The following ADCY8 variants were observed in gnomAD, a reference collection of about 807,000 sequenced individuals.
ADCY8 encodes adenylate cyclase type 8.
ADCY8 carries 51 observed loss-of-function variants against 119.7 expected under a neutral mutation model. The ratio of observed to expected loss-of-function variants is 0.43; its 90% CI spans 0.34 to 0.54. The LOEUF (loss-of-function observed/expected upper bound fraction) is 0.54. Among genes scored for constraint, ADCY8 ranks in the 20% least tolerant of loss-of-function variants. ADCY8 has a pLI of 0.03. For synonymous variants in ADCY8, 665 were observed against 651.0 expected (o/e 1.02, Z -0.33); for missense variants, 1,383 against 1,598.8 (o/e 0.87, Z 2.30).
chr8:130,940,184 A>C (rs1374043388), intron 4 of ADCY8, among the ~76,000 whole-genome samples: 2 of 152,212 alleles, frequency 1.3e-5, no homozygotes, highest in East Asian at 1.9e-4. Context: ...CTTGAGGGAA[A>C]GGCCACACGG....
At chr8:130,909,183 C>T (rs541053040) in intron 6 of ADCY8, among the ~76,000 whole-genome samples, 4 of 152,284 alleles carry the variant, frequency 2.6e-5, no homozygotes, top group African/African-American at 4.8e-5. Context: ...ACATTAGTTG[C>T]AGTGGCCTTT....
At chr8:130,986,004 C>A (rs1438601668) in intron 2 of ADCY8, among the ~76,000 whole-genome samples, 1 of 152,018 alleles carries the variant, frequency 6.6e-6, no homozygotes, top group African/African-American at 2.4e-5. Flanking sequence ...CTCCAAGCTG[C>A]AAGAAAAACA....
intron 5 of ADCY8, among the ~76,000 whole-genome samples, chr8:130,926,826 C>T (rs1322655273): frequency 2.6e-5 from 4 of 151,984 alleles, no homozygotes; most frequent in Admixed American, 1.3e-4. Context: ...AGTGAGATCA[C>T]GAGGTATTTA....
At chr8:130,929,809 G>C (rs915061247) in intron 5 of ADCY8, among the ~76,000 whole-genome samples, 2 of 152,016 alleles carry the variant, frequency 1.3e-5, no homozygotes, top group African/African-American at 4.8e-5. Flanking sequence ...TGTATTTTTA[G>C]GTACTTTGAT....
At chr8:130,878,769 G>T (rs1439925337) in intron 8 of ADCY8, among the ~76,000 whole-genome samples, 1 of 152,122 alleles carries the variant, frequency 6.6e-6, no homozygotes, top group African/African-American at 2.4e-5. Context: ...AAGGACAAAG[G>T]ATGCCTTTTC....
At chr8:131,003,809 G>C (rs1052137012) in intron 1 of ADCY8, among the ~76,000 whole-genome samples, 1 of 152,068 alleles carries the variant, frequency 6.6e-6, no homozygotes, top group Non-Finnish European at 1.5e-5. Context: ...TTTTCTCCTA[G>C]GGTCCACAGA....
At chr8:130,941,169 A>T (rs932767712) in intron 4 of ADCY8, among the ~76,000 whole-genome samples, 74 of 152,346 alleles carry the variant, frequency 4.9e-4, no homozygotes, top group African/African-American at 1.8e-3. Context: ...TTGTCCTAGT[A>T]AAAATGAAAC....
At chr8:130,824,299 C>G (rs1371367889) in intron 12 of ADCY8, among the ~76,000 whole-genome samples, 1 of 152,146 alleles carries the variant, frequency 6.6e-6, no homozygotes, top group Non-Finnish European at 1.5e-5. Flanking sequence ...TTTACATATT[C>G]TGCCTACTTT....
chr8:131,011,116 A>G (rs745882154), intron 1 of ADCY8, among the ~76,000 whole-genome samples: 1 of 152,110 alleles, frequency 6.6e-6, no homozygotes, highest in Non-Finnish European at 1.5e-5. Context: ...GGATAGACGC[A>G]TGCAGCCCCT....
intron 15 of ADCY8, among the ~76,000 whole-genome samples, chr8:130,793,588 A>C (rs28445446): frequency 0.011 from 1,636 of 152,340 alleles, 32 homozygotes; most frequent in African/African-American, 0.037. Flanking sequence ...CCAGGGCAGG[A>C]CTTCACTAGA....
At chr8:131,015,792 ACTT>A (rs1453164891) in intron 1 of ADCY8, among the ~76,000 whole-genome samples, 1 of 152,192 alleles carries the variant, frequency 6.6e-6, no homozygotes, top group East Asian at 1.9e-4. Flanking sequence ...AGGTAAAACA[ACTT>A]CTCTACGCAC....
At chr8:130,919,842 G>A (rs994930949) in intron 5 of ADCY8, among the ~76,000 whole-genome samples, 1 of 152,104 alleles carries the variant, frequency 6.6e-6, no homozygotes, top group African/African-American at 2.4e-5. Context: ...TTTGTGTCTT[G>A]CTTGTTTCTG....
At chr8:130,789,777 A>G (rs1390131798) in intron 15 of ADCY8, among the ~76,000 whole-genome samples, 1 of 152,178 alleles carries the variant, frequency 6.6e-6, no homozygotes, top group Non-Finnish European at 1.5e-5. Flanking sequence ...ACCTTGCCTT[A>G]AAGCAGTGAT....
chr8:130,941,612 C>T (rs188263427), intron 4 of ADCY8, among the ~76,000 whole-genome samples: 1 of 152,226 alleles, frequency 6.6e-6, no homozygotes, highest in African/African-American at 2.4e-5. Flanking sequence ...CCAGCTAAAA[C>T]CAACCCTCCT....
chr8:130,795,931 C>T (rs1385138763), intron 15 of ADCY8, among the ~76,000 whole-genome samples: 1 of 152,204 alleles, frequency 6.6e-6, no homozygotes, highest in Non-Finnish European at 1.5e-5. Flanking sequence ...CACAGGTCTT[C>T]AGCCTTGGAT....
intron 2 of ADCY8, among the ~76,000 whole-genome samples, chr8:130,975,638 T>C (rs1037167282): frequency 6.6e-6 from 1 of 152,228 alleles, no homozygotes; most frequent in Non-Finnish European, 1.5e-5. Context: ...GGCTGGATTA[T>C]TCCAATGTAA....
chr8:131,022,528 G>A (rs891810370), intron 1 of ADCY8, among the ~76,000 whole-genome samples: 5 of 152,060 alleles, frequency 3.3e-5, no homozygotes, highest in African/African-American at 1.2e-4. Flanking sequence ...ATCATTGATG[G>A]GCATTTGGAT....
At chr8:130,836,549 T>A in intron 11 of ADCY8, 100 bp from the exon 12 acceptor site, 1 of 1,329,500 alleles carries the variant, frequency 7.5e-7, no homozygotes, top group African/African-American at 1.5e-5. Flanking sequence ...GCAGAGAGTT[T>A]CCATTTGGAG....
At chr8:130,992,418 TA>T (rs1822620031) in intron 1 of ADCY8, among the ~76,000 whole-genome samples, 4 of 128,234 alleles carry the variant, frequency 3.1e-5, no homozygotes, top group South Asian at 2.5e-4. Flanking sequence ...TATATATATA[TA>T]TATATATATA....
Sources: allele counts gnomAD v4.1 joint callset (sites outside exome capture counted in the v4.1 genomes callset), GRCh38; gene constraint gnomAD v4.1.1; transcripts MANE v1.5; gene names NCBI Gene and HGNC (gene_info 2026-07-23, HGNC 2026-07-21).